Variants in TMEM44 observed in about 807,000 individuals in gnomAD.
The protein encoded by TMEM44 is transmembrane protein 44.
TMEM44 carries 43 observed loss-of-function variants against 47.8 expected under a neutral mutation model. The ratio of observed to expected loss-of-function variants is 0.90; its 90% confidence interval spans 0.70 to 1.16. TMEM44 has a LOEUF of 1.16. Ranked by LOEUF, TMEM44 falls within the 50% of genes most tolerant of loss-of-function variation. The pLI, the probability that TMEM44 is intolerant of heterozygous loss-of-function variation, is 0.00. For missense variants in TMEM44, 568 were observed against 555.2 expected, an observed-to-expected ratio of 1.02 and a Z score of -0.23; for synonymous variants, 277 against 238.8, an observed-to-expected ratio of 1.16 and a Z score of -1.48.
intron 9 of TMEM44, among the ~76,000 whole-genome samples, chr3:194,594,166 T>TCTGTCTGTCTGTCTATCTATCTAC (rs397963451): frequency 7.2e-6 from 1 of 139,318 alleles, no homozygotes; most frequent in Non-Finnish European, 1.6e-5. Flanking sequence ...TATCTATCTA[T>TCTGTCTGTCTGTCTATCTATCTAC]ATCTATCTAT....
chr3:194,605,009 G>A (rs953570568), intron 8 of TMEM44, among the ~76,000 whole-genome samples: 1 of 152,162 alleles, frequency 6.6e-6, no homozygotes, highest in Admixed American at 6.5e-5. Context: ...TGCTAAAAAC[G>A]CACCCCATAG....
At chr3:194,615,462 C>T (rs1715777836) in intron 7 of TMEM44, 107 bp downstream of exon 7, 2 of 1,472,428 alleles carry the variant, frequency 1.4e-6, no homozygotes, top group Non-Finnish European at 1.8e-6. Flanking sequence ...AGAGAACACT[C>T]GGCAGGCAGC....
At chr3:194,621,243 G>C (rs1208786415) in intron 5 of TMEM44, among the ~76,000 whole-genome samples, 1 of 152,184 alleles carries the variant, frequency 6.6e-6, no homozygotes, top group Non-Finnish European at 1.5e-5. Context: ...GGGGCTACCC[G>C]AACCTGGGAG....
chr3:194,620,186 G>C (rs142200537), intron 5 of TMEM44, among the ~76,000 whole-genome samples: 4,107 of 151,630 alleles, frequency 0.027, 204 homozygotes, highest in African/African-American at 0.095. Flanking sequence ...AGCTACTCGG[G>C]AGGCTGAGGC....
intron 1 of TMEM44, among the ~76,000 whole-genome samples, chr3:194,630,370 T>A (rs1294014372): frequency 8.7e-6 from 1 of 115,306 alleles, no homozygotes; most frequent in Non-Finnish European, 1.7e-5. Context: ...CGTACCTGCC[T>A]CCCGAAGGGG....
chr3:194,633,004 G>A (rs1717977858), intron 1 of TMEM44, 75 bp downstream of exon 1: 1 of 1,509,812 alleles, frequency 6.6e-7, no homozygotes, highest in Non-Finnish European at 8.9e-7. Flanking sequence ...CCTCCTCTAG[G>A]TTTCCGAGAG....
At chr3:194,605,202 G>A (rs1365494140) in intron 8 of TMEM44, among the ~76,000 whole-genome samples, 1 of 151,974 alleles carries the variant, frequency 6.6e-6, no homozygotes, top group African/African-American at 2.4e-5. Flanking sequence ...CTATCTATCT[G>A]TCTCAGACCA....
intron 1 of TMEM44, among the ~76,000 whole-genome samples, chr3:194,631,554 T>C (rs1041931588): frequency 1.6e-4 from 24 of 151,716 alleles, no homozygotes; most frequent in African/African-American, 5.8e-4. Flanking sequence ...GACCAAGGAG[T>C]GGAGATTCTT....
intron 9 of TMEM44, chr3:194,592,902 C>T (rs1328722287): frequency 1.4e-5 from 15 of 1,040,836 alleles, no homozygotes; most frequent in Non-Finnish European, 2.2e-5. Flanking sequence ...TGTGAGCCAC[C>T]GCGCCTGGCC....
rs6779853 is a variant in TMEM44 at position 194,588,254 on chromosome 3, A to G, written c.*275T>C. On this transcript the variant is annotated 3_prime_UTR_variant, in exon 10 of 10. Transcript: ENST00000347147. ...AGGGAAAAGGAAGAGCGGGTCTGAG[A>G]TCCTTTGGATTATCTTTACGAAGCA... 0.22 allele frequency: 89,209 copies of G among 407,876 alleles called. 10,776 individuals carry two copies. The highest frequency in any genetic ancestry group is 0.34 in the African/African-American group (16,586 of 48,594). The allele number at this position is 407,876 out of a possible 1,614,324, so 25.3% of individuals were successfully genotyped here.
intron 9 of TMEM44, among the ~76,000 whole-genome samples, chr3:194,597,720 C>T (rs34231443): frequency 0.49 from 74,888 of 151,570 alleles, 19,035 homozygotes; most frequent in Non-Finnish European, 0.56. Context: ...TTCAGGCCTT[C>T]CACAGCATAC....
At chr3:194,604,471 G>T (rs778142477) in intron 8 of TMEM44, 26 bp from the exon 9 acceptor site, 1 of 1,474,048 alleles carries the variant, frequency 6.8e-7, no homozygotes, top group Non-Finnish European at 9.0e-7. Flanking sequence ...GAAAGGGCAG[G>T]CAAGGACACG....
chr3:194,590,788 G>A (rs1237420965), intron 9 of TMEM44, among the ~76,000 whole-genome samples: 2 of 152,164 alleles, frequency 1.3e-5, no homozygotes, highest in East Asian at 1.9e-4. Context: ...CCTGATGATT[G>A]AGAACCACTG....
At position 194,631,094 on chromosome 3, in the gene TMEM44, C is replaced by T. The variant is rs1471186710; in HGVS notation, c.137+1985G>A. On this transcript the variant is annotated intron_variant, in intron 1 of 9. Coordinates refer to ENST00000347147, the MANE Select transcript of TMEM44 (RefSeq NM_001011655.3). ...TTGTCGCACGTGCCTCCCGAAGGGG[C>T]TGGCTGTTTCTATTGGCGTCACCGA... 2.7e-5 allele frequency among the ~76,000 whole-genome samples: 4 copies of T among 150,788 alleles called. No homozygotes were observed. In the South Asian group the frequency reaches 8.4e-4, roughly 32 times the overall value.
At chr3:194,616,763 C>T (rs888290026) in intron 6 of TMEM44, 9 of 410,652 alleles carry the variant, frequency 2.2e-5, no homozygotes, top group African/African-American at 4.1e-5. Context: ...GACGTGTTGG[C>T]ATGCACCTGT....
intron 6 of TMEM44, among the ~76,000 whole-genome samples, chr3:194,616,258 GC>G (rs1715877366): frequency 6.6e-6 from 1 of 152,052 alleles, no homozygotes; most frequent in Non-Finnish European, 1.5e-5. Flanking sequence ...CACCATGTTG[GC>G]CAGGCTGGTC....
intron 8 of TMEM44, among the ~76,000 whole-genome samples, chr3:194,607,296 G>C (rs895612392): frequency 6.6e-6 from 1 of 152,108 alleles, no homozygotes; most frequent in African/African-American, 2.4e-5. Flanking sequence ...CTGGCACCAC[G>C]TAAACATGCA....
At chr3:194,631,073 C>T (rs186052330) in intron 1 of TMEM44, among the ~76,000 whole-genome samples, 16 of 148,072 alleles carry the variant, frequency 1.1e-4, no homozygotes, top group African/African-American at 3.5e-4. Context: ...AATACGTTGT[C>T]GCACGTGCCT....
At chr3:194,629,554 G>A (rs531953340) in intron 1 of TMEM44, among the ~76,000 whole-genome samples, 3 of 152,026 alleles carry the variant, frequency 2.0e-5, no homozygotes, top group African/African-American at 7.2e-5. Context: ...TCACTGATAG[G>A]GCCTCTGAAA....
Sources: gnomAD v4.1 joint callset for allele counts (sites outside exome capture counted in the v4.1 genomes callset) on GRCh38, gnomAD v4.1.1 for gene constraint, MANE v1.5 for transcripts, NCBI Gene and HGNC (gene_info 2026-07-23, HGNC 2026-07-21) for gene names.